GPC6: variants seen among roughly 807,000 people sequenced by gnomAD.
GPC6 encodes the protein glypican-6.
Under a neutral mutation model 55.2 loss-of-function variants are expected in GPC6, and 14 were observed. The observed-to-expected ratio is 0.25, with a 90% CI of 0.17 to 0.40. The LOEUF (loss-of-function observed/expected upper bound fraction) is 0.40. Ranked by LOEUF, GPC6 falls within the 10% of genes least tolerant of loss-of-function variation. The probability of loss-of-function intolerance (pLI) is 1.00; values close to 1 mark genes in which losing one functional copy is unlikely to be tolerated. For missense variants in GPC6, 641 were observed against 708.5 expected (o/e 0.90, Z 1.08); for synonymous variants, 278 against 259.6 (o/e 1.07, Z -0.68).
chr13:94,196,246 A>AT (rs1013632081), intron 4 of GPC6, among the ~76,000 whole-genome samples: 7 of 149,050 alleles, frequency 4.7e-5, no homozygotes, highest in East Asian at 3.9e-4. Flanking sequence ...AAGAGGGAGG[A>AT]TTTTTTTTAA....
At chr13:93,542,512 T>A (rs910717761) in intron 1 of GPC6, among the ~76,000 whole-genome samples, 1 of 152,220 alleles carries the variant, frequency 6.6e-6, no homozygotes, top group African/African-American at 2.4e-5. Flanking sequence ...TGCGGGCTCC[T>A]TTTTGGTTCC....
At chr13:93,816,536 T>C (rs1008860765) in intron 2 of GPC6, among the ~76,000 whole-genome samples, 10 of 152,036 alleles carry the variant, frequency 6.6e-5, no homozygotes, top group Non-Finnish European at 2.9e-5. Context: ...TTTTTTTTTT[T>C]TCAGCTTGAT....
intron 4 of GPC6, among the ~76,000 whole-genome samples, chr13:94,224,000 T>C (rs760358867): frequency 1.3e-5 from 2 of 152,102 alleles, no homozygotes; most frequent in Non-Finnish European, 2.9e-5. Context: ...CTTTTTGTGG[T>C]CCATTTAGTG....
At chr13:93,983,872 T>C (rs1880912953) in intron 3 of GPC6, among the ~76,000 whole-genome samples, 2 of 151,880 alleles carry the variant, frequency 1.3e-5, no homozygotes, top group South Asian at 2.1e-4. Flanking sequence ...AGCTGATTCT[T>C]GCCTCATATG....
chr13:93,732,107 C>A (rs1883845576), intron 2 of GPC6, among the ~76,000 whole-genome samples: 1 of 152,124 alleles, frequency 6.6e-6, no homozygotes, highest in African/African-American at 2.4e-5. Context: ...GCAGCTTTCC[C>A]AGCTTTCTAT....
rs529605646 is a variant in GPC6 at position 93,679,325 on chromosome 13, C to G, written c.319+133904C>G. On this transcript the variant is annotated intron_variant, in intron 2 of 8. Coordinates refer to ENST00000377047, the MANE Select transcript of GPC6 (RefSeq NM_005708.5). ...AGTTTAAATCCATCAAGAGAAATGACAGCTAGTAGACCATGGAGTGATAAC... is the reference window on the plus strand; with the variant it reads ...AGTTTAAATCCATCAAGAGAAATGAGAGCTAGTAGACCATGGAGTGATAAC... Among the ~76,000 whole-genome samples, 10 of 152,172 alleles carry G rather than the reference C, an allele frequency of 6.6e-5. No individual in the cohort carries two copies. In the South Asian group the frequency reaches 2.1e-3, roughly 32 times the overall value.
chr13:94,069,301 C>CA (rs1884646412), intron 4 of GPC6, among the ~76,000 whole-genome samples: 1 of 152,144 alleles, frequency 6.6e-6, no homozygotes, highest in Non-Finnish European at 1.5e-5. Flanking sequence ...CACAGGAGAC[C>CA]AAGTCCCTAG....
At chr13:94,107,298 A>G (rs552686074) in intron 4 of GPC6, among the ~76,000 whole-genome samples, 3 of 152,302 alleles carry the variant, frequency 2.0e-5, no homozygotes, top group Admixed American at 2.0e-4. Flanking sequence ...AGAAAGGAAA[A>G]AAATGTCATT....
At chr13:93,330,579 C>A (rs752411904) in intron 1 of GPC6, among the ~76,000 whole-genome samples, 1 of 152,044 alleles carries the variant, frequency 6.6e-6, no homozygotes, top group Non-Finnish European at 1.5e-5. Flanking sequence ...AGGCTGCTAC[C>A]TCATACACTG....
At chr13:93,653,088 G>A (rs897293246) in intron 2 of GPC6, among the ~76,000 whole-genome samples, 1 of 152,178 alleles carries the variant, frequency 6.6e-6, no homozygotes, top group African/African-American at 2.4e-5. Flanking sequence ...ACATAAAGCA[G>A]TGGCTTTTAG....
chr13:93,276,489 A>AGTGTGT (rs771761836), intron 1 of GPC6, among the ~76,000 whole-genome samples: 7 of 131,306 alleles, frequency 5.3e-5, no homozygotes, highest in African/African-American at 2.3e-4. Flanking sequence ...AGAGAGAGAG[A>AGTGTGT]GAGAGAGTGT....
At chr13:93,339,828 T>C (rs925131092) in intron 1 of GPC6, among the ~76,000 whole-genome samples, 1 of 152,090 alleles carries the variant, frequency 6.6e-6, no homozygotes, top group African/African-American at 2.4e-5. Flanking sequence ...TTATAACTTA[T>C]GAAGTTGGGA....
At chr13:94,100,292 G>GA (rs1885809708) in intron 4 of GPC6, among the ~76,000 whole-genome samples, 1 of 152,008 alleles carries the variant, frequency 6.6e-6, no homozygotes, top group Non-Finnish European at 1.5e-5. Context: ...GGTAGCAAAG[G>GA]AAAAAATCAA....
chr13:94,315,228 T>C (rs541561130), intron 6 of GPC6, among the ~76,000 whole-genome samples: 5 of 152,324 alleles, frequency 3.3e-5, no homozygotes, highest in African/African-American at 7.2e-5. Flanking sequence ...GTTTGTGTGA[T>C]CTCTGTAGAA....
intron 3 of GPC6, among the ~76,000 whole-genome samples, chr13:93,841,018 A>C (rs1887935191): frequency 6.6e-6 from 1 of 152,170 alleles, no homozygotes; most frequent in South Asian, 2.1e-4. Context: ...CAAGGTTTGC[A>C]CAGCAGGCAC....
intron 4 of GPC6, among the ~76,000 whole-genome samples, chr13:94,222,508 T>G (rs1242668372): frequency 6.6e-6 from 1 of 152,022 alleles, no homozygotes; most frequent in Admixed American, 6.6e-5. Flanking sequence ...TCTAGTGGGG[T>G]ATTCTAATTA....
chr13:93,352,783 G>A (rs989311053), intron 1 of GPC6, among the ~76,000 whole-genome samples: 4 of 152,228 alleles, frequency 2.6e-5, no homozygotes, highest in Middle Eastern at 3.4e-3. Flanking sequence ...CGGTGTCTGA[G>A]CAGGGGAGGG....
At chr13:93,237,359 G>C (rs1410551725) in intron 1 of GPC6, among the ~76,000 whole-genome samples, 2 of 151,290 alleles carry the variant, frequency 1.3e-5, no homozygotes, top group Non-Finnish European at 2.9e-5. Flanking sequence ...TTGCCCATTT[G>C]TGTGTCTTCT....
chr13:94,110,337 G>A (rs1254286518), intron 4 of GPC6, among the ~76,000 whole-genome samples: 1 of 152,076 alleles, frequency 6.6e-6, no homozygotes, highest in African/African-American at 2.4e-5. Context: ...GGAGTACTCA[G>A]TAGAGAACAC....
Sources: allele counts gnomAD v4.1 joint callset (sites outside exome capture counted in the v4.1 genomes callset), GRCh38; gene constraint gnomAD v4.1.1; transcripts MANE v1.5; gene names NCBI Gene and HGNC (gene_info 2026-07-23, HGNC 2026-07-21).